MDGA2: variants seen among roughly 807,000 people sequenced by gnomAD.
MDGA2 encodes MAM domain-containing glycosylphosphatidylinositol anchor protein 2.
A neutral mutation model predicts 117.8 loss-of-function variants in MDGA2; 40 were observed. The ratio of observed to expected loss-of-function variants is 0.34; its 90% CI spans 0.26 to 0.44. The LOEUF is 0.44. MDGA2 is among the 20% of genes least tolerant of loss of function. The probability of loss-of-function intolerance (pLI) is 1.00; values close to 1 mark genes in which losing one functional copy is unlikely to be tolerated. For synonymous variants in MDGA2, 452 were observed against 439.0 expected (o/e 1.03, Z -0.37); for missense variants, 1,123 against 1,250.6 (o/e 0.90, Z 1.54).
chr14:47,374,669 T>C (rs1891436475), intron 1 of MDGA2, among the ~76,000 whole-genome samples: 1 of 152,084 alleles, frequency 6.6e-6, no homozygotes, highest in Non-Finnish European at 1.5e-5. Flanking sequence ...TTAGGAGTAT[T>C]ATACAAGAGC....
chr14:47,279,602 T>C (rs1448699677), intron 2 of MDGA2, among the ~76,000 whole-genome samples: 1 of 152,184 alleles, frequency 6.6e-6, no homozygotes, highest in Admixed American at 6.5e-5. Flanking sequence ...TAGTTATTTA[T>C]GGCTTCAGAG....
chr14:47,290,660 AAAG>A (rs1888852924), intron 2 of MDGA2, among the ~76,000 whole-genome samples: 1 of 152,122 alleles, frequency 6.6e-6, no homozygotes, highest in East Asian at 1.9e-4. Context: ...GGTCAGCAGC[AAAG>A]AAGAAGATAC....
At chr14:47,100,416 A>G (rs1166565381) in intron 5 of MDGA2, among the ~76,000 whole-genome samples, 1 of 152,136 alleles carries the variant, frequency 6.6e-6, no homozygotes, top group African/African-American at 2.4e-5. Context: ...TGTTTAGCAT[A>G]CGTCTACAGC....
Position 46,929,636 on chromosome 14 carries a change from TATATATATATACA to T in MDGA2, c.2090-9489_2090-9477del, listed in dbSNP as rs1566530348. The stretch of plus-strand genomic sequence containing the variant: ...ATATATATATATATATATATATATA[TATATATATATACA>T]TTTTTTTTTTTTTTTTTTCGAGATG... On this transcript the variant is annotated intron_variant, in intron 9 of 16. Transcript: ENST00000399232. Among the ~76,000 whole-genome samples the T allele has an allele frequency of 8.5e-3, 376 of 44,114 alleles. 22 individuals are homozygous for T. Among genetic ancestry groups the T allele is most frequent in the Non-Finnish European group, 0.012 (262 of 22,634 alleles). 28.9% of individuals were successfully genotyped at this position (44,114 alleles called of 152,430 possible). A position where few individuals can be genotyped will look rare whatever the true frequency, so the allele number is the denominator to read the frequency against.
intron 1 of MDGA2, among the ~76,000 whole-genome samples, chr14:47,417,403 C>T (rs1892496157): frequency 6.6e-6 from 1 of 152,106 alleles, no homozygotes; most frequent in African/African-American, 2.4e-5. Flanking sequence ...CTCAAGTTTC[C>T]AGTAACATAT....
intron 9 of MDGA2, among the ~76,000 whole-genome samples, chr14:46,925,156 C>T (rs1884278838): frequency 6.6e-6 from 1 of 152,092 alleles, no homozygotes; most frequent in African/African-American, 2.4e-5. Context: ...TTGAAAAGAG[C>T]CAATGACAAA....
chr14:47,031,306 T>C (rs1417621675), intron 8 of MDGA2, among the ~76,000 whole-genome samples: 4 of 151,958 alleles, frequency 2.6e-5, no homozygotes, highest in African/African-American at 9.7e-5. Context: ...ATTCATTCTG[T>C]GCTCCTTTAG....
chr14:47,000,382 TATATATATTTATATATAA>T (rs199617553), intron 8 of MDGA2, among the ~76,000 whole-genome samples: 2,688 of 67,266 alleles, frequency 0.04, 51 homozygotes, highest in Non-Finnish European at 0.058. Flanking sequence ...TATATTTATA[TATATATATTTATATATAA>T]ATATATATTT....
intron 7 of MDGA2, among the ~76,000 whole-genome samples, chr14:47,053,747 A>G (rs1889559872): frequency 6.6e-6 from 1 of 151,098 alleles, no homozygotes; most frequent in African/African-American, 2.4e-5. Flanking sequence ...CAGAAGTCCT[A>G]TGTATACAAG....
chr14:47,203,798 T>C (rs113526585), intron 3 of MDGA2, among the ~76,000 whole-genome samples: 78 of 151,932 alleles, frequency 5.1e-4, no homozygotes, highest in Non-Finnish European at 8.1e-4. Context: ...ATGTTTTAAA[T>C]CACAAGAGAT....
At chr14:47,449,655 G>A (rs2000030) in intron 1 of MDGA2, among the ~76,000 whole-genome samples, 1 of 151,996 alleles carries the variant, frequency 6.6e-6, no homozygotes, top group Non-Finnish European at 1.5e-5. Flanking sequence ...TAACTAACTA[G>A]ATAGCCAAAA....
intron 1 of MDGA2, among the ~76,000 whole-genome samples, chr14:47,548,956 T>C (rs1366620297): frequency 6.6e-6 from 1 of 152,122 alleles, no homozygotes; most frequent in African/African-American, 2.4e-5. Context: ...TTCAACAAAC[T>C]CCTGAGTGAT....
intron 8 of MDGA2, among the ~76,000 whole-genome samples, chr14:46,962,431 C>G (rs1267735294): frequency 1.3e-5 from 2 of 152,116 alleles, no homozygotes; most frequent in Non-Finnish European, 2.9e-5. Context: ...ACCAACAGAT[C>G]CCTCCCCTAG....
chr14:47,057,787 G>T (rs915670133), intron 7 of MDGA2, among the ~76,000 whole-genome samples: 1 of 151,274 alleles, frequency 6.6e-6, no homozygotes, highest in African/African-American at 2.4e-5. Context: ...CAGAGTCTTG[G>T]TCTGTCAACC....
chr14:47,072,022 T>C (rs1464586099), intron 6 of MDGA2, among the ~76,000 whole-genome samples: 1 of 141,368 alleles, frequency 7.1e-6, no homozygotes, highest in Non-Finnish European at 1.5e-5. Flanking sequence ...AGACATTGTC[T>C]GGGTAAATAT....
At chr14:47,303,599 C>T (rs1451963342) in intron 1 of MDGA2, among the ~76,000 whole-genome samples, 2 of 151,942 alleles carry the variant, frequency 1.3e-5, no homozygotes, top group East Asian at 3.9e-4. Context: ...AGGCATCTGT[C>T]TAATATAGTC....
intron 1 of MDGA2, among the ~76,000 whole-genome samples, chr14:47,373,365 A>T (rs898312671): frequency 1.3e-5 from 2 of 152,094 alleles, no homozygotes; most frequent in African/African-American, 2.4e-5. Flanking sequence ...GCATACATAA[A>T]CTCATTAACA....
intron 1 of MDGA2, among the ~76,000 whole-genome samples, chr14:47,383,294 A>C (rs1891677964): frequency 1.3e-5 from 2 of 152,150 alleles, no homozygotes; most frequent in African/African-American, 4.8e-5. Flanking sequence ...ATGTATACAT[A>C]TGTAAAAAAC....
intron 2 of MDGA2, among the ~76,000 whole-genome samples, chr14:47,263,879 C>G (rs997321446): frequency 6.6e-6 from 1 of 152,080 alleles, no homozygotes; most frequent in Admixed American, 6.6e-5. Flanking sequence ...AACAATTGAA[C>G]TCTAAGTTCA....
Sources: gnomAD v4.1 joint callset for allele counts (sites outside exome capture counted in the v4.1 genomes callset) on GRCh38, gnomAD v4.1.1 for gene constraint, MANE v1.5 for transcripts, NCBI Gene and HGNC (gene_info 2026-07-23, HGNC 2026-07-21) for gene names.